SUMF1: variants seen among roughly 807,000 people sequenced by gnomAD.
The protein encoded by SUMF1 is formylglycine-generating enzyme.
Under a neutral mutation model 47.6 loss-of-function variants are expected in SUMF1, and 48 were observed. The ratio of observed to expected loss-of-function variants is 1.01; its 90% CI spans 0.80 to 1.28. The LOEUF (loss-of-function observed/expected upper bound fraction) is 1.28. SUMF1 is among the 50% of genes most tolerant of loss of function. The pLI, the probability that SUMF1 is intolerant of heterozygous loss-of-function variation, is 0.00. For synonymous variants in SUMF1, 230 were observed against 192.1 expected, an observed-to-expected ratio of 1.20 and a Z score of -1.63; for missense variants, 571 against 485.4, an observed-to-expected ratio of 1.18 and a Z score of -1.66.
intron 8 of SUMF1, chr3:4,312,992 C>G (rs1169030908): frequency 1.9e-6 from 3 of 1,613,906 alleles, no homozygotes; most frequent in Admixed American, 3.3e-5. Context: ...CCCTGCCTCC[C>G]TGGCACTTGC....
intron 7 of SUMF1, among the ~76,000 whole-genome samples, chr3:4,401,638 TA>T (rs1387896682): frequency 2.0e-5 from 3 of 152,280 alleles, no homozygotes; most frequent in Middle Eastern, 3.4e-3. Context: ...CACGACATTT[TA>T]AAGCTAAATC....
At chr3:4,107,079 G>C (rs1009395691) in intron 8 of SUMF1, among the ~76,000 whole-genome samples, 1 of 152,018 alleles carries the variant, frequency 6.6e-6, no homozygotes, top group African/African-American at 2.4e-5. Flanking sequence ...ATCAGCTACT[G>C]AGATCAATAG....
intron 9 of SUMF1, among the ~76,000 whole-genome samples, chr3:4,045,069 T>C (rs1041579867): frequency 2.0e-5 from 3 of 152,214 alleles, no homozygotes; most frequent in African/African-American, 7.2e-5. Flanking sequence ...GCAATCCTTA[T>C]TTATTCAACC....
intron 8 of SUMF1, among the ~76,000 whole-genome samples, chr3:4,096,061 C>T (rs115068453): frequency 0.013 from 2,039 of 152,196 alleles, 30 homozygotes; most frequent in Non-Finnish European, 0.022. Flanking sequence ...CATAGCCCAC[C>T]GGCTTAGAAT....
At chr3:4,234,484 G>A (rs1003207170) in intron 8 of SUMF1, among the ~76,000 whole-genome samples, 3 of 151,932 alleles carry the variant, frequency 2.0e-5, no homozygotes, top group South Asian at 2.1e-4. Flanking sequence ...GTATCTTTTC[G>A]TTTCTCCTGC....
At position 4,226,264 on chromosome 3, in the gene SUMF1, C is replaced by CTTTTTTTTTTTTTTTTTTTT. The variant is rs869300368; in HGVS notation, c.1014+150046_1014+150065dup. Among the ~76,000 whole-genome samples the CTTTTTTTTTTTTTTTTTTTT allele has an allele frequency of 3.4e-5, 3 of 86,988 alleles. 1 individual carries two copies. The highest frequency in any genetic ancestry group is 1.4e-4 in the African/African-American group (3 of 22,118). The allele number at this position is 86,988 out of a possible 152,430, so 57.1% of individuals were successfully genotyped here. On this transcript the variant is annotated intron_variant and NMD_transcript_variant, in intron 8 of 12. Transcript: ENST00000448413. ...CATGATTATTGTTTTTTTTTTGTTTCTTTTTTTTTTTTTTTTTTTTTTTGA... is the reference window on the plus strand; with the variant it reads ...CATGATTATTGTTTTTTTTTTGTTTCTTTTTTTTTTTTTTTTTTTTTTTTTTTTTTTTTTTTTTTTTTTGA...
At chr3:4,156,456 A>T (rs2587911) in intron 8 of SUMF1, among the ~76,000 whole-genome samples, 1 of 151,124 alleles carries the variant, frequency 6.6e-6, no homozygotes, top group African/African-American at 2.5e-5. Flanking sequence ...TATATCTTCA[A>T]TGTATAAAAC....
chr3:4,106,285 G>C (rs1045896533), intron 8 of SUMF1, among the ~76,000 whole-genome samples: 5 of 152,052 alleles, frequency 3.3e-5, no homozygotes, highest in African/African-American at 1.2e-4. Flanking sequence ...CTAAAGAAAA[G>C]ATAAAATGAA....
intron 3 of SUMF1, among the ~76,000 whole-genome samples, chr3:4,446,441 C>T (rs1702783636): frequency 6.6e-6 from 1 of 152,184 alleles, no homozygotes; most frequent in East Asian, 1.9e-4. Flanking sequence ...ACTGTGAGTC[C>T]ATTAAACCTC....
rs530258166 is a variant in SUMF1 at position 4,179,874 on chromosome 3, G to A, written c.1015-111129C>T. ...AAAAAACAAACAACCCCATCAAAAAGTGGGCAAAGGATATGAACACACACT... is the reference window on the plus strand; with the variant it reads ...AAAAAACAAACAACCCCATCAAAAAATGGGCAAAGGATATGAACACACACT... On this transcript the variant is annotated intron_variant and NMD_transcript_variant, in intron 8 of 12. Transcript: ENST00000448413. Among the ~76,000 whole-genome samples, 6 of 152,222 alleles carry A rather than the reference G, an allele frequency of 3.9e-5. No individual in the cohort carries two copies. The East Asian group carries it at 1.2e-3, about 29-fold the overall frequency.
intron 9 of SUMF1, among the ~76,000 whole-genome samples, chr3:4,054,762 A>C (rs1695163623): frequency 6.6e-6 from 1 of 152,188 alleles, no homozygotes; most frequent in South Asian, 2.1e-4. Context: ...TACAGTAACA[A>C]TATCAACAAC....
At chr3:4,134,075 C>G (rs935965081) in intron 8 of SUMF1, among the ~76,000 whole-genome samples, 1 of 152,092 alleles carries the variant, frequency 6.6e-6, no homozygotes, top group African/African-American at 2.4e-5. Context: ...AGAAAGTTAA[C>G]AAGGATATCC....
At chr3:4,445,409 C>A (rs899397851) in intron 3 of SUMF1, among the ~76,000 whole-genome samples, 5 of 152,218 alleles carry the variant, frequency 3.3e-5, no homozygotes, top group Admixed American at 1.3e-4. Context: ...GCCATCACAG[C>A]TCACTGAAAC....
At chr3:4,249,678 C>T (rs1553613177) in intron 8 of SUMF1, among the ~76,000 whole-genome samples, 1 of 152,102 alleles carries the variant, frequency 6.6e-6, no homozygotes, top group African/African-American at 2.4e-5. Flanking sequence ...CCTAAAATGG[C>T]CTCTAAGTTT....
At chr3:4,297,709 G>A (rs181342576) in intron 8 of SUMF1, among the ~76,000 whole-genome samples, 70 of 151,956 alleles carry the variant, frequency 4.6e-4, no homozygotes, top group African/African-American at 1.7e-3. Context: ...GTGCCTGGCC[G>A]TGATAGTTCT....
chr3:4,085,258 G>T (rs1692647601), intron 8 of SUMF1, among the ~76,000 whole-genome samples: 1 of 152,098 alleles, frequency 6.6e-6, no homozygotes, highest in Non-Finnish European at 1.5e-5. Flanking sequence ...TTAATAAACT[G>T]CTTTGGGTGC....
intron 8 of SUMF1, among the ~76,000 whole-genome samples, chr3:4,167,611 T>G (rs575519332): frequency 4.3e-4 from 66 of 152,262 alleles, no homozygotes; most frequent in Non-Finnish European, 6.8e-4. Flanking sequence ...TGGTGCATTT[T>G]ACAATCCCCT....
At chr3:4,259,746 T>A (rs1225714325) in intron 8 of SUMF1, among the ~76,000 whole-genome samples, 1 of 152,184 alleles carries the variant, frequency 6.6e-6, no homozygotes, top group Non-Finnish European at 1.5e-5. Flanking sequence ...AAAGGCAATT[T>A]TTAAAATAAA....
At chr3:4,395,797 C>A (rs1405307317) in intron 7 of SUMF1, among the ~76,000 whole-genome samples, 3 of 152,182 alleles carry the variant, frequency 2.0e-5, no homozygotes, top group Non-Finnish European at 2.9e-5. Context: ...ACCCCAAAGT[C>A]TATGGTAACC....
Sources: gnomAD v4.1 joint callset for allele counts (sites outside exome capture counted in the v4.1 genomes callset) on GRCh38, gnomAD v4.1.1 for gene constraint, MANE v1.5 for transcripts, NCBI Gene and HGNC (gene_info 2026-07-23, HGNC 2026-07-21) for gene names.